The following SPAG16 variants were observed in gnomAD, a reference collection of about 807,000 sequenced individuals.
The protein encoded by SPAG16 is sperm associated antigen 16.
SPAG16 carries 86 observed loss-of-function variants against 80.4 expected under a neutral mutation model. That is an observed-to-expected ratio of 1.07 (90% CI 0.90 to 1.28). SPAG16 has a LOEUF of 1.28. Ranked by LOEUF, SPAG16 falls within the 50% of genes most tolerant of loss-of-function variation. The pLI, the probability that SPAG16 is intolerant of heterozygous loss-of-function variation, is 0.00. For synonymous variants in SPAG16, 294 were observed against 265.9 expected (o/e 1.11, Z -1.03); for missense variants, 870 against 765.3 (o/e 1.14, Z -1.61).
intron 9 of SPAG16, among the ~76,000 whole-genome samples, chr2:213,488,389 C>T (rs767539753): frequency 3.9e-5 from 6 of 152,048 alleles, no homozygotes; most frequent in Non-Finnish European, 8.8e-5. Flanking sequence ...AATATTTATT[C>T]TATTTGAATT....
chr2:213,976,109 GAT>G lies in SPAG16; in HGVS notation c.1401-37816_1401-37815del, dbSNP rs1553685173. On this transcript the variant is annotated intron_variant, in intron 12 of 15. Transcript: ENST00000331683. ...GTGAGTGATCTAAGACAGTGAGGGA[GAT>G]ATATATATATATATATATATATATA... Among the ~76,000 whole-genome samples the G allele has an allele frequency of 1.7e-3, 206 of 121,478 alleles. 1 individual carries two copies. The highest frequency in any genetic ancestry group is 5.4e-3 in the African/African-American group (165 of 30,340). 79.7% of individuals were successfully genotyped at this position (121,478 alleles called of 152,430 possible). A position where few individuals can be genotyped will look rare whatever the true frequency, so the allele number is the denominator to read the frequency against.
chr2:213,528,187 AGTCAGTGG>A (rs2075954882), intron 10 of SPAG16, among the ~76,000 whole-genome samples: 1 of 152,074 alleles, frequency 6.6e-6, no homozygotes, highest in Admixed American at 6.6e-5. Context: ...TACTAAATAG[AGTCAGTGG>A]GTAATTTTCA....
At chr2:214,250,733 G>GATAT (rs59644776) in intron 15 of SPAG16, among the ~76,000 whole-genome samples, 145 of 112,324 alleles carry the variant, frequency 1.3e-3, no homozygotes, top group African/African-American at 4.2e-3. Context: ...GGAGCTTTGA[G>GATAT]ATATATATAT....
chr2:213,342,667 G>A (rs1368507550), intron 6 of SPAG16, among the ~76,000 whole-genome samples: 3 of 151,776 alleles, frequency 2.0e-5, no homozygotes, highest in Non-Finnish European at 4.4e-5. Flanking sequence ...AGGACTTTTG[G>A]GGAATTTCTG....
intron 11 of SPAG16, among the ~76,000 whole-genome samples, chr2:213,869,926 G>A (rs1559539006): frequency 6.6e-6 from 1 of 152,128 alleles, no homozygotes; most frequent in East Asian, 1.9e-4. Context: ...ATCTGTATTG[G>A]GGAAGGCCTG....
At chr2:214,356,226 GA>G (rs969956631) in intron 15 of SPAG16, among the ~76,000 whole-genome samples, 39 of 151,362 alleles carry the variant, frequency 2.6e-4, no homozygotes, top group African/African-American at 9.2e-4. Flanking sequence ...AAAATAAAAA[GA>G]AAAAAAGAAA....
At chr2:214,156,852 T>G (rs1303917113) in intron 15 of SPAG16, among the ~76,000 whole-genome samples, 1 of 152,168 alleles carries the variant, frequency 6.6e-6, no homozygotes, top group Non-Finnish European at 1.5e-5. Context: ...CAGGCCAACT[T>G]GTTTTATCTC....
At chr2:214,217,114 T>A (rs1415360827) in intron 15 of SPAG16, among the ~76,000 whole-genome samples, 1 of 152,206 alleles carries the variant, frequency 6.6e-6, no homozygotes, top group Non-Finnish European at 1.5e-5. Context: ...TTAATAAAAG[T>A]GTTACAAAAT....
intron 10 of SPAG16, among the ~76,000 whole-genome samples, chr2:213,718,149 CAAAAAA>C (rs71063769): frequency 0.018 from 1,619 of 92,270 alleles, 20 homozygotes; most frequent in South Asian, 0.09. Context: ...AACAAGTTTA[CAAAAAA>C]AAAAAAAAAA....
rs1478408002 is a variant in SPAG16, at chr2:214,184,488, G to A, written c.1720+35222G>A. Among the ~76,000 whole-genome samples the A allele has an allele frequency of 3.3e-5, 5 of 151,922 alleles. No individual in the cohort carries two copies. In the East Asian group the frequency reaches 9.7e-4, roughly 29 times the overall value. On this transcript the variant is annotated intron_variant, in intron 15 of 15. Coordinates refer to ENST00000331683, the MANE Select transcript of SPAG16 (RefSeq NM_024532.5). ...CTGATTTGTTTTGCTTTAAATGACA[G>A]CAAAAAAAAGACATTTCTTTTGTCA...
At chr2:213,461,821 T>A (rs1477191553) in intron 9 of SPAG16, among the ~76,000 whole-genome samples, 1 of 152,056 alleles carries the variant, frequency 6.6e-6, no homozygotes, top group Non-Finnish European at 1.5e-5. Flanking sequence ...TAGGAATAGA[T>A]GAGGAATGAG....
At chr2:214,383,197 G>T (rs1333544252) in intron 15 of SPAG16, among the ~76,000 whole-genome samples, 1 of 152,130 alleles carries the variant, frequency 6.6e-6, no homozygotes, top group African/African-American at 2.4e-5. Context: ...CATGGCACTG[G>T]AAAGAGGTTC....
intron 15 of SPAG16, among the ~76,000 whole-genome samples, chr2:214,323,171 C>T (rs1696223985): frequency 6.6e-6 from 1 of 152,002 alleles, no homozygotes. Context: ...GGTTTTTATC[C>T]TAATATAAAA....
chr2:213,591,872 A>C (rs2060705335), intron 10 of SPAG16, among the ~76,000 whole-genome samples: 1 of 152,176 alleles, frequency 6.6e-6, no homozygotes, highest in Non-Finnish European at 1.5e-5. Flanking sequence ...GAGGAACCCG[A>C]TTAGATTTTG....
intron 10 of SPAG16, among the ~76,000 whole-genome samples, chr2:213,666,155 A>G (rs1159209398): frequency 1.3e-5 from 2 of 152,184 alleles, no homozygotes; most frequent in Non-Finnish European, 2.9e-5. Flanking sequence ...ATATTCCATA[A>G]CATCTATTAA....
At chr2:213,996,030 T>G (rs1008827554) in intron 12 of SPAG16, among the ~76,000 whole-genome samples, 1 of 152,192 alleles carries the variant, frequency 6.6e-6, no homozygotes, top group Non-Finnish European at 1.5e-5. Flanking sequence ...GAGCTTAGAG[T>G]TTCATAAAAG....
At chr2:214,375,227 G>A (rs922126048) in intron 15 of SPAG16, among the ~76,000 whole-genome samples, 4 of 152,064 alleles carry the variant, frequency 2.6e-5, no homozygotes, top group African/African-American at 4.8e-5. Flanking sequence ...AATTTAAATG[G>A]TTTTCTAGTG....
intron 10 of SPAG16, among the ~76,000 whole-genome samples, chr2:213,785,715 C>T (rs2070294874): frequency 6.6e-6 from 1 of 152,112 alleles, no homozygotes; most frequent in Admixed American, 6.6e-5. Context: ...TCTATATTTA[C>T]TATTCTTCAA....
chr2:214,205,046 T>C (rs971622063), intron 15 of SPAG16, among the ~76,000 whole-genome samples: 6 of 152,082 alleles, frequency 3.9e-5, no homozygotes, highest in African/African-American at 1.4e-4. Flanking sequence ...ATGGCCAACA[T>C]GGTGAAACCC....
Sources: gnomAD v4.1 joint callset for allele counts (sites outside exome capture counted in the v4.1 genomes callset) on GRCh38, gnomAD v4.1.1 for gene constraint, MANE v1.5 for transcripts, NCBI Gene and HGNC (gene_info 2026-07-23, HGNC 2026-07-21) for gene names.